UBA52: variants seen among roughly 807,000 people sequenced by gnomAD.
UBA52 encodes the protein ubiquitin-ribosomal protein eL40 fusion protein.
In UBA52, 1 loss-of-function variant was observed where a neutral mutation model predicts 15.3. The observed-to-expected ratio is 0.07, with a 90% CI of 0.02 to 0.31. UBA52 has a LOEUF of 0.31. Among genes scored for constraint, UBA52 ranks in the 10% least tolerant of loss-of-function variants. The probability of loss-of-function intolerance (pLI) is 1.00; values close to 1 mark genes in which losing one functional copy is unlikely to be tolerated. For synonymous variants in UBA52, 50 were observed against 58.3 expected (o/e 0.86, Z 0.65); for missense variants, 87 against 168.0 (o/e 0.52, Z 2.66).
chr19:18,573,470 C>T, intron 2 of UBA52, 67 bp downstream of exon 2: 5 of 1,434,048 alleles, frequency 3.5e-6, no homozygotes, highest in Middle Eastern at 1.7e-4. Context: ...AGGGGAGTCT[C>T]AGTCCTGTGT....
rs770185198 is a variant in UBA52 at position 18,577,480 on chromosome 19, CTT to C, written c.*2334_*2335del. 4 of 152,154 alleles carry C rather than the reference CTT, an allele frequency of 2.6e-5. No homozygotes were observed. In the South Asian group the frequency reaches 6.2e-4, roughly 24 times the overall value. 9.4% of individuals were successfully genotyped at this position (152,154 alleles called of 1,614,324 possible). On this transcript the variant is annotated 3_prime_UTR_variant, in exon 5 of 5. Transcript: ENST00000442744. The stretch of plus-strand genomic sequence containing the variant: ...TGCTCACTCTCCTGGTCCGTGGACT[CTT>C]TTTGAACTGTTAACACTCCCCGCAA...
At chr19:18,568,962 C>T (rs1406056166), upstream of UBA52, 1 of 329,888 alleles carries the variant, frequency 3.0e-6, no homozygotes, top group Non-Finnish European at 5.7e-6. Flanking sequence ...TTAGAAGGTT[C>T]CCAGACACCA....
Position 18,575,198 on chromosome 19 carries a change from C to T in UBA52, c.*48C>T. 2 of 1,609,978 alleles carry T rather than the reference C, an allele frequency of 1.2e-6. No individual in the cohort carries two copies. Among genetic ancestry groups the T allele is most frequent in the South Asian group, 2.2e-5 (2 of 90,844 alleles). ...AGCCTCCTGCCCAGGCCCCGTGGCCCTGGAGCCTCAATAAAGTGTCCCTTT... is the reference window on the plus strand; with the variant it reads ...AGCCTCCTGCCCAGGCCCCGTGGCCTTGGAGCCTCAATAAAGTGTCCCTTT... On this transcript the variant is annotated 3_prime_UTR_variant, in exon 5 of 5. Transcript: ENST00000442744.
intron 1 of UBA52, 113 bp from the exon 2 acceptor site, chr19:18,573,180 C>G: frequency 8.6e-7 from 1 of 1,160,562 alleles, no homozygotes; most frequent in South Asian, 1.4e-5. Context: ...TGGGGCAGGA[C>G]CAGTTGGACT....
At chr19:18,568,351 C>A, upstream of UBA52, 1 of 1,398,204 alleles carries the variant, frequency 7.2e-7, no homozygotes, top group South Asian at 1.2e-5. Context: ...AGTCCTACAT[C>A]ACAGAGCTTG....
At chr19:18,564,150 G>T in the UBA52 span, among the ~76,000 whole-genome samples, 21 of 151,922 alleles carry the variant, frequency 1.4e-4, no homozygotes, top group Non-Finnish European at 2.6e-4. Context: ...CTCCCAAAGC[G>T]CTGGAATTGC....
Position 18,575,631 on chromosome 19 carries a change from C to G in UBA52, c.*481C>G, listed in dbSNP as rs772772350. 5.6e-6 allele frequency: 1 copy of G among 177,880 alleles called. No homozygotes were observed. The highest frequency in any genetic ancestry group is 1.2e-5 in the Non-Finnish European group (1 of 83,002). 11.0% of individuals were successfully genotyped at this position (177,880 alleles called of 1,614,324 possible). ...TACAAATGGGGTCTCACTATGTTGT[C>G]CAGGCTGGTCTTGAACTCCTGGGCT... is the stretch of plus-strand genomic sequence containing the variant. On this transcript the variant is annotated 3_prime_UTR_variant, in exon 5 of 5. Transcript: ENST00000442744.
At chr19:18,567,406 G>T (rs909284134), upstream of UBA52, 11 of 661,150 alleles carry the variant, frequency 1.7e-5, no homozygotes, top group African/African-American at 8.9e-5. Context: ...GGCCGCACAG[G>T]AGAATGTGGA....
the UBA52 span, among the ~76,000 whole-genome samples, chr19:18,565,467 C>T: frequency 8.5e-5 from 13 of 152,200 alleles, no homozygotes; most frequent in South Asian, 1.7e-3. Context: ...CTCCTGACCT[C>T]GTGATCCAGC....
At position 18,575,289 on chromosome 19, in the gene UBA52, G is replaced by A; in HGVS notation, c.*139G>A. ...GTCCAGGGAGGTGGCTGAAGAGTGG[G>A]CATCTCCCTTAGGGACTCTACTCAG... is the stretch of plus-strand genomic sequence containing the variant. On this transcript the variant is annotated 3_prime_UTR_variant, in exon 5 of 5. Transcript: ENST00000442744. 1.0e-6 allele frequency: 1 copy of A among 996,076 alleles called. No homozygotes were observed. Among genetic ancestry groups the A allele is most frequent in the Non-Finnish European group, 1.5e-6 (1 of 668,456 alleles). 61.7% of individuals were successfully genotyped at this position (996,076 alleles called of 1,614,324 possible). A position where few individuals can be genotyped will look rare whatever the true frequency, so the allele number is the denominator to read the frequency against.
At chr19:18,573,096 G>A in intron 1 of UBA52, 197 bp from the exon 2 acceptor site, 12 of 1,227,156 alleles carry the variant, frequency 9.8e-6, no homozygotes, top group Non-Finnish European at 1.3e-5. Context: ...TCCAGGACAT[G>A]TTTAGACTAC....
chr19:18,566,525 T>C, the UBA52 span, among the ~76,000 whole-genome samples: 2 of 150,236 alleles, frequency 1.3e-5, no homozygotes, highest in Admixed American at 1.3e-4. Context: ...GCACAGTGGC[T>C]CATGCCTGTA....
the UBA52 span, among the ~76,000 whole-genome samples, chr19:18,564,324 T>TA: frequency 6.6e-6 from 1 of 152,026 alleles, no homozygotes; most frequent in Admixed American, 6.6e-5. Flanking sequence ...CTAGTGGAAT[T>TA]AAAAGAGTCT....
upstream of UBA52, chr19:18,568,616 G>A (rs756968784): frequency 3.1e-6 from 5 of 1,610,318 alleles, no homozygotes; most frequent in African/African-American, 6.7e-5. Context: ...ATGACGAGGA[G>A]ATGACGGGCG....
rs1220127043 is a variant in UBA52, at chr19:18,577,244, T to C, written c.*2094T>C. ...CAAAAGACCCCCATGACTCAGGGTT[T>C]TGAGTTCTTAACTGATCGAATGAAG... On this transcript the variant is annotated 3_prime_UTR_variant, in exon 5 of 5. Transcript: ENST00000442744. 1 of 152,116 alleles carries C rather than the reference T, an allele frequency of 6.6e-6. No homozygotes were observed. The highest frequency in any genetic ancestry group is 2.4e-5 in the African/African-American group (1 of 41,414). The allele number at this position is 152,116 out of a possible 1,614,324, so 9.4% of individuals were successfully genotyped here.
At position 18,575,303 on chromosome 19, in the gene UBA52, G is replaced by C; in HGVS notation, c.*153G>C. 1.2e-6 allele frequency: 1 copy of C among 835,248 alleles called. No homozygotes were observed. Among genetic ancestry groups the C allele is most frequent in the East Asian group, 2.7e-5 (1 of 37,496 alleles). 51.7% of individuals were successfully genotyped at this position (835,248 alleles called of 1,614,324 possible). A position where few individuals can be genotyped will look rare whatever the true frequency, so the allele number is the denominator to read the frequency against. On this transcript the variant is annotated 3_prime_UTR_variant, in exon 5 of 5. Coordinates refer to ENST00000442744, the MANE Select transcript of UBA52 (RefSeq NM_001033930.3). Reference sequence around the variant, plus strand: ...CTGAAGAGTGGGCATCTCCCTTAGGGACTCTACTCAGCACTCCATTCTGTG... The same window carrying C: ...CTGAAGAGTGGGCATCTCCCTTAGGCACTCTACTCAGCACTCCATTCTGTG...
upstream of UBA52, chr19:18,568,391 C>A (rs756069368): frequency 1.2e-6 from 2 of 1,607,402 alleles, no homozygotes; most frequent in Admixed American, 3.3e-5. Context: ...TCTTGGGCCT[C>A]CTTCCCCCAG....
the UBA52 span, among the ~76,000 whole-genome samples, chr19:18,566,622 C>T: frequency 6.6e-6 from 1 of 151,658 alleles, no homozygotes; most frequent in Non-Finnish European, 1.5e-5. Context: ...GAAATCCCGT[C>T]TCTACTAAAA....
At chr19:18,573,497 A>T in intron 2 of UBA52, 94 bp downstream of exon 2, 2 of 1,331,372 alleles carry the variant, frequency 1.5e-6, no homozygotes, top group South Asian at 2.4e-5. Flanking sequence ...TGCTGACTTT[A>T]GATCTGTTTT....
Sources: gnomAD v4.1 joint callset for allele counts (sites outside exome capture counted in the v4.1 genomes callset) on GRCh38, gnomAD v4.1.1 for gene constraint, MANE v1.5 for transcripts, NCBI Gene and HGNC (gene_info 2026-07-23, HGNC 2026-07-21) for gene names.